HTT: variants seen among roughly 807,000 people sequenced by gnomAD.
HTT encodes the protein huntington disease protein.
Under a neutral mutation model 362.3 loss-of-function variants are expected in HTT, and 104 were observed. The observed-to-expected ratio is 0.29, with a 90% CI of 0.24 to 0.34. The LOEUF (loss-of-function observed/expected upper bound fraction) is 0.34. Among genes scored for constraint, HTT ranks in the 10% least tolerant of loss-of-function variants. The pLI, the probability that HTT is intolerant of heterozygous loss-of-function variation, is 1.00. For missense variants in HTT, 3,301 were observed against 3,928.6 expected, an observed-to-expected ratio of 0.84 and a Z score of 4.27; for synonymous variants, 1,577 against 1,548.7, an observed-to-expected ratio of 1.02 and a Z score of -0.43.
rs573256108 is a variant in HTT, at chr4:3,134,509, C to T, written c.2602C>T (p.Leu868Phe). ...NSSYWLVRTE[L>F]LETLAEIDFR... ...TTCCTATTGGCTGGTGAGGACAGAG[C>T]TTCTGGAAACCCTTGCAGAGATTGA... is the stretch of plus-strand genomic sequence containing the variant. The change falls in exon 19 of 67, where the codon CTT becomes TTT. Residue 868 changes from leucine (L) to phenylalanine (F), a missense_variant. Leu to Phe is a conservative substitution (Grantham distance 22). This residue lies in a region of HTT where 2,316 missense variants were observed against 2,658.5 expected (regional missense o/e 0.87). Transcript: ENST00000355072. 1 of 1,613,976 alleles carries T rather than the reference C, an allele frequency of 6.2e-7. No homozygotes were observed. The highest frequency in any genetic ancestry group is 1.1e-5 in the South Asian group (1 of 91,078).
At chr4:3,106,574 C>T (rs1714436214) in intron 5 of HTT, among the ~76,000 whole-genome samples, 1 of 152,140 alleles carries the variant, frequency 6.6e-6, no homozygotes, top group South Asian at 2.1e-4. Context: ...ACCCATTTCC[C>T]AGTGCCGTTT....
chr4:3,137,359 C>T (rs957672373), intron 21 of HTT, among the ~76,000 whole-genome samples: 2 of 152,158 alleles, frequency 1.3e-5, no homozygotes, highest in Non-Finnish European at 2.9e-5. Flanking sequence ...CTGTAACCTC[C>T]GGTTCCTGCC....
intron 1 of HTT, among the ~76,000 whole-genome samples, chr4:3,086,483 C>T (rs758283233): frequency 6.6e-6 from 1 of 152,112 alleles, no homozygotes; most frequent in African/African-American, 2.4e-5. Flanking sequence ...AATTGGGCAA[C>T]ATCGTGAGGC....
intron 3 of HTT, among the ~76,000 whole-genome samples, chr4:3,100,778 G>C (rs549856741): frequency 3.4e-4 from 51 of 152,206 alleles, no homozygotes; most frequent in African/African-American, 1.2e-3. Flanking sequence ...ACCCAGGCTG[G>C]AGTGCAGTGG....
At chr4:3,080,356 A>G (rs750138677) in intron 1 of HTT, among the ~76,000 whole-genome samples, 1 of 151,978 alleles carries the variant, frequency 6.6e-6, no homozygotes, top group Non-Finnish European at 1.5e-5. Context: ...CAGCCTGCCA[A>G]AGTGCTGGGA....
At chr4:3,082,834 G>A (rs1410532532) in intron 1 of HTT, among the ~76,000 whole-genome samples, 2 of 152,150 alleles carry the variant, frequency 1.3e-5, no homozygotes, top group East Asian at 1.9e-4. Flanking sequence ...GTGAGCCTGC[G>A]GAGAGCTCCC....
At chr4:3,225,277 G>T (rs1039698957) in intron 56 of HTT, among the ~76,000 whole-genome samples, 1 of 152,192 alleles carries the variant, frequency 6.6e-6, no homozygotes, top group Non-Finnish European at 1.5e-5. Flanking sequence ...GCTTATCTGG[G>T]TCCCCCAGAG....
intron 62 of HTT, 78 bp from the exon 63 acceptor site, chr4:3,235,487 T>G: frequency 6.5e-7 from 1 of 1,538,538 alleles, no homozygotes; most frequent in Non-Finnish European, 9.0e-7. Context: ...GGGCCAGTTT[T>G]GACTTGGTCG....
chr4:3,213,713 G>A (rs935290987), intron 49 of HTT, among the ~76,000 whole-genome samples: 3 of 152,212 alleles, frequency 2.0e-5, no homozygotes, highest in Non-Finnish European at 4.4e-5. Flanking sequence ...AGCCCACAGC[G>A]CTGAAGGAGA....
At chr4:3,127,121 T>C in intron 11 of HTT, 143 bp from the exon 12 acceptor site, 2 of 644,312 alleles carry the variant, frequency 3.1e-6, no homozygotes, top group South Asian at 3.7e-5. Flanking sequence ...GATGCACTGC[T>C]GTCCTGCATT....
chr4:3,187,740 T>C lies in HTT; in HGVS notation c.5079T>C (p.Leu1693=), dbSNP rs778305991. 1.2e-6 allele frequency: 2 copies of C among 1,614,168 alleles called. No homozygotes were observed. Among genetic ancestry groups the C allele is most frequent in the Non-Finnish European group, 1.7e-6 (2 of 1,179,988 alleles). The change falls in exon 39 of 67, where the codon CTT becomes CTC. Residue 1693 remains leucine (L), a synonymous_variant. Coordinates refer to ENST00000355072, the MANE Select transcript of HTT (RefSeq NM_001388492.1). ...CCCAGTCAACTGAAGATATTGTTCT[T>C]TCTCGTATTCAGGAGCTCTCCTTCT... ...LISQSTEDIV[L]SRIQELSFSP...
chr4:3,111,977 T>C (rs1714776018), intron 6 of HTT, among the ~76,000 whole-genome samples: 1 of 152,242 alleles, frequency 6.6e-6, no homozygotes, highest in Non-Finnish European at 1.5e-5. Context: ...CCAGCAAAGC[T>C]TGCATTTGAA....
At chr4:3,123,951 T>A (rs748740428) in intron 10 of HTT, among the ~76,000 whole-genome samples, 3 of 152,238 alleles carry the variant, frequency 2.0e-5, no homozygotes, top group Non-Finnish European at 2.9e-5. Context: ...CTTTTTTGTG[T>A]CATGATTTGA....
rs752818911 is a variant in HTT, at chr4:3,131,309, T to C, written c.2010T>C (p.Ile670=). 1.2e-6 allele frequency: 2 copies of C among 1,613,928 alleles called. No homozygotes were observed. Among genetic ancestry groups the C allele is most frequent in the South Asian group, 2.2e-5 (2 of 91,068 alleles). ...AGCCTTGCCGCATCAAAGGTGACAT[T>C]GGACAGTCCACTGATGATGACTCTG... The part of the protein sequence containing the change: ...ENKPCRIKGD[I]GQSTDDDSAP... Residue 670 remains isoleucine (I), a synonymous_variant, in exon 15 of 67, where the codon ATT becomes ATC. Coordinates refer to ENST00000355072, the MANE Select transcript of HTT (RefSeq NM_001388492.1).
At chr4:3,222,304 G>A (rs111966369) in intron 53 of HTT, 83 bp from the exon 54 acceptor site, 28 of 1,159,818 alleles carry the variant, frequency 2.4e-5, no homozygotes, top group African/African-American at 1.2e-4. Context: ...TCCAGGGGCC[G>A]TGCTGTGTCG....
intron 3 of HTT, among the ~76,000 whole-genome samples, chr4:3,103,244 G>A (rs1416424166): frequency 7.2e-5 from 6 of 83,628 alleles, no homozygotes; most frequent in Non-Finnish European, 1.3e-4. Flanking sequence ...TTTTTTTTGA[G>A]ATGGAGTTTC....
intron 49 of HTT, chr4:3,213,021 C>A (rs1220412995): frequency 1.6e-5 from 5 of 304,220 alleles, no homozygotes; most frequent in Non-Finnish European, 3.1e-5. Context: ...CTTAAGTTGG[C>A]CTGGACATGT....
intron 28 of HTT, 145 bp from the exon 29 acceptor site, chr4:3,160,137 C>T: frequency 1.8e-6 from 1 of 568,660 alleles, no homozygotes; most frequent in Non-Finnish European, 3.3e-6. Context: ...TGACAACAAA[C>T]ACGCAGACAC....
intron 10 of HTT, 36 bp from the exon 11 acceptor site, chr4:3,125,513 G>T: frequency 6.9e-7 from 1 of 1,451,246 alleles, no homozygotes; most frequent in Non-Finnish European, 9.7e-7. Flanking sequence ...CTTATTTTTA[G>T]CAAACTAAAA....
Sources: allele counts gnomAD v4.1 joint callset (sites outside exome capture counted in the v4.1 genomes callset), GRCh38; gene constraint gnomAD v4.1.1; regional missense constraint gnomAD v4.1.1; transcripts MANE v1.5; gene names NCBI Gene and HGNC (gene_info 2026-07-23, HGNC 2026-07-21).